IQGAP1: variants seen among roughly 807,000 people sequenced by gnomAD.
IQGAP1 encodes IQ motif containing GTPase activating protein 1, also known as ras GTPase-activating-like protein IQGAP1.
A neutral mutation model predicts 215.6 loss-of-function variants in IQGAP1; 66 were observed. The ratio of observed to expected loss-of-function variants is 0.31; its 90% CI spans 0.25 to 0.38. IQGAP1 has a LOEUF of 0.38. IQGAP1 is among the 10% of genes least tolerant of loss of function. The pLI, the probability that IQGAP1 is intolerant of heterozygous loss-of-function variation, is 1.00. For missense variants in IQGAP1, 1,712 were observed against 1,997.1 expected, an observed-to-expected ratio of 0.86 and a Z score of 2.72; for synonymous variants, 772 against 728.7, an observed-to-expected ratio of 1.06 and a Z score of -0.96.
chr15:90,475,857 C>T (rs1417662642), intron 23 of IQGAP1: 2 of 151,800 alleles, frequency 1.3e-5, no homozygotes, highest in African/African-American at 4.8e-5. Flanking sequence ...TTTCACCTAC[C>T]CCAGTCATTT....
chr15:90,463,052 C>G (rs143304613), intron 15 of IQGAP1, among the ~76,000 whole-genome samples: 1 of 132,588 alleles, frequency 7.5e-6, no homozygotes, highest in Admixed American at 8.3e-5. Flanking sequence ...TTTCTTCTTA[C>G]ACTGGGATGA....
chr15:90,466,462 G>T, intron 17 of IQGAP1, 26 bp downstream of exon 17: 2 of 1,610,818 alleles, frequency 1.2e-6, no homozygotes, highest in Non-Finnish European at 1.7e-6. Flanking sequence ...ATACATATGT[G>T]CCCTGAAGCT....
At chr15:90,395,571 T>G (rs374231419) in intron 2 of IQGAP1, among the ~76,000 whole-genome samples, 42 of 152,296 alleles carry the variant, frequency 2.8e-4, no homozygotes, top group African/African-American at 9.9e-4. Context: ...CCGCCCGCCT[T>G]GGCCTCCCAC....
At chr15:90,465,191 G>T (rs1442865941) in intron 15 of IQGAP1, among the ~76,000 whole-genome samples, 1 of 152,216 alleles carries the variant, frequency 6.6e-6, no homozygotes, top group Admixed American at 6.5e-5. Flanking sequence ...AATGTAGATT[G>T]CCTGTAGTGA....
chr15:90,396,784 G>A (rs917734079), intron 2 of IQGAP1, among the ~76,000 whole-genome samples: 6 of 152,096 alleles, frequency 3.9e-5, no homozygotes, highest in African/African-American at 1.4e-4. Flanking sequence ...TGCAAATGGG[G>A]AGTATTCATT....
At chr15:90,410,375 A>G (rs1964942036) in intron 2 of IQGAP1, among the ~76,000 whole-genome samples, 1 of 152,322 alleles carries the variant, frequency 6.6e-6, no homozygotes, top group Non-Finnish European at 1.5e-5. Flanking sequence ...TGCTATAAAG[A>G]CACATGCGCA....
chr15:90,498,723 C>T (rs1446036685), intron 37 of IQGAP1, among the ~76,000 whole-genome samples: 1 of 152,050 alleles, frequency 6.6e-6, no homozygotes, highest in East Asian at 1.9e-4. Flanking sequence ...TCTCCATTCA[C>T]TGCAACCTCC....
At chr15:90,462,020 G>A (rs887490806) in intron 15 of IQGAP1, among the ~76,000 whole-genome samples, 21 of 150,248 alleles carry the variant, frequency 1.4e-4, no homozygotes, top group Non-Finnish European at 2.8e-4. Flanking sequence ...AAATTAGCCC[G>A]GCATGGTGGT....
At chr15:90,388,472 C>T (rs1964583691) in intron 1 of IQGAP1, 76 bp downstream of exon 1, 1 of 388,238 alleles carries the variant, frequency 2.6e-6, no homozygotes, top group Non-Finnish European at 4.4e-6. Flanking sequence ...CCTGGGGGCT[C>T]GGCCGGGCGG....
chr15:90,453,245 C>T lies in IQGAP1; in HGVS notation c.1440C>T (p.Ser480=). ...TGAATACAGTGTGGAAGCAATTGAG[C>T]AGTTCAGTTACTGGTCTTACCAATA... The part of the protein sequence containing the change: ...GDVNTVWKQL[S]SSVTGLTNIE... The change falls in exon 13 of 38, where the codon AGC becomes AGT. Residue 480 remains serine, a synonymous_variant. Coordinates refer to ENST00000268182, the MANE Select transcript of IQGAP1 (RefSeq NM_003870.4). 7 of 1,613,864 alleles carry T rather than the reference C, an allele frequency of 4.3e-6. No homozygotes were observed. Among genetic ancestry groups the T allele is most frequent in the Non-Finnish European group, 5.9e-6 (7 of 1,179,858 alleles).
Position 90,472,850 on chromosome 15 carries a change from C to G in IQGAP1, c.2189C>G (p.Ser730Cys), listed in dbSNP as rs1965924173. Residue 730 changes from serine (S) to cysteine (C), a missense_variant, in exon 19 of 38, where the codon TCT becomes TGT. Physicochemically the swap from Ser to Cys is moderately radical, Grantham distance 112. This residue lies in a region of IQGAP1 where 1,021 missense variants were observed against 1,074.2 expected (regional missense o/e 0.95). Coordinates refer to ENST00000268182, the MANE Select transcript of IQGAP1 (RefSeq NM_003870.4). Reference sequence around the variant, plus strand: ...CCACTGCTTTTTCAGAGTTCTATCTCTGGGGTGACTGCCGCATATAACCGA... The same window carrying G: ...CCACTGCTTTTTCAGAGTTCTATCTGTGGGGTGACTGCCGCATATAACCGA... Reference protein sequence around the residue: ...LSREEIQSSISGVTAAYNREQ... With the variant: ...LSREEIQSSICGVTAAYNREQ... 1.2e-6 allele frequency: 2 copies of G among 1,610,422 alleles called. No individual in the cohort carries two copies. The highest frequency in any genetic ancestry group is 1.7e-5 in the Admixed American group (1 of 59,570).
chr15:90,401,446 A>C (rs980154606), intron 2 of IQGAP1, among the ~76,000 whole-genome samples: 1 of 152,202 alleles, frequency 6.6e-6, no homozygotes, highest in African/African-American at 2.4e-5. Context: ...ATAATCCCCC[A>C]AAACAAAAAA....
intron 18 of IQGAP1, among the ~76,000 whole-genome samples, chr15:90,468,356 C>T (rs1486241666): frequency 1.3e-5 from 2 of 152,218 alleles, no homozygotes; most frequent in Non-Finnish European, 2.9e-5. Context: ...TGAGCCAGCA[C>T]ACCCAGCCCA....
chr15:90,464,634 A>G (rs1028134691), intron 15 of IQGAP1, among the ~76,000 whole-genome samples: 3 of 152,102 alleles, frequency 2.0e-5, no homozygotes, highest in Non-Finnish European at 4.4e-5. Context: ...GCAGATCACA[A>G]GGTCAGGAGA....
chr15:90,499,111 C>G (rs181258072), intron 37 of IQGAP1, among the ~76,000 whole-genome samples: 58 of 151,998 alleles, frequency 3.8e-4, no homozygotes, highest in African/African-American at 1.4e-3. Context: ...CCACCACACC[C>G]GGCCTTGTGG....
At chr15:90,477,356 A>C in intron 25 of IQGAP1, 126 bp downstream of exon 25, 1 of 821,034 alleles carries the variant, frequency 1.2e-6, no homozygotes, top group Non-Finnish European at 1.9e-6. Context: ...TACTCTAAAG[A>C]AGCATCTAAT....
At chr15:90,474,306 G>A in intron 22 of IQGAP1, 173 bp downstream of exon 22, 1 of 751,296 alleles carries the variant, frequency 1.3e-6, no homozygotes. Flanking sequence ...TTGGCTTGTT[G>A]CATTAACCTT....
intron 5 of IQGAP1, among the ~76,000 whole-genome samples, chr15:90,438,786 G>A (rs1442127191): frequency 6.6e-6 from 1 of 151,652 alleles, no homozygotes; most frequent in East Asian, 1.9e-4. Flanking sequence ...GTACAGTGGT[G>A]TGATCTCGGC....
chr15:90,481,481 C>A (rs1966058539), intron 26 of IQGAP1, among the ~76,000 whole-genome samples: 1 of 151,964 alleles, frequency 6.6e-6, no homozygotes, highest in Non-Finnish European at 1.5e-5. Flanking sequence ...GTCTGCTTTT[C>A]CACTGTCATT....
Sources: gnomAD v4.1 joint callset for allele counts (sites outside exome capture counted in the v4.1 genomes callset) on GRCh38, gnomAD v4.1.1 for gene constraint, gnomAD v4.1.1 regional missense constraint, MANE v1.5 for transcripts, NCBI Gene and HGNC (gene_info 2026-07-23, HGNC 2026-07-21) for gene names.